DNAH10: variants seen among roughly 807,000 people sequenced by gnomAD.
DNAH10 encodes dynein axonemal heavy chain 10.
Under a neutral mutation model 506.6 loss-of-function variants are expected in DNAH10, and 348 were observed. The observed-to-expected ratio is 0.69, with a 90% CI of 0.63 to 0.75. DNAH10 has a LOEUF of 0.75. Ranked by LOEUF, DNAH10 falls within the 30% of genes least tolerant of loss-of-function variation. The pLI, the probability that DNAH10 is intolerant of heterozygous loss-of-function variation, is 0.00. For missense variants in DNAH10, 5,179 were observed against 5,787.1 expected (o/e 0.89, Z 3.41); for synonymous variants, 2,059 against 2,198.6 (o/e 0.94, Z 1.78).
Position 123,813,741 on chromosome 12 carries a change from CT to C in DNAH10, c.3622-10del. The stretch of plus-strand genomic sequence containing the variant: ...CTGTGTTTGCTTAGTGTTCTTTGTA[CT>C]TTCTGTTATAGCACCTGGCCAAAAA... On this transcript the variant is annotated splice_polypyrimidine_tract_variant and intron_variant, in intron 20 of 78. Transcript: ENST00000673944. 3 of 1,613,282 alleles carry C rather than the reference CT, an allele frequency of 1.9e-6. No homozygotes were observed. The highest frequency in any genetic ancestry group is 2.5e-6 in the Non-Finnish European group (3 of 1,179,882).
intron 55 of DNAH10, among the ~76,000 whole-genome samples, chr12:123,898,416 G>A (rs768568920): frequency 4.6e-5 from 7 of 152,162 alleles, no homozygotes; most frequent in African/African-American, 1.7e-4. Flanking sequence ...ATGCACTGCC[G>A]GACAGGGCTT....
At chr12:123,898,373 C>T (rs780051992) in intron 55 of DNAH10, among the ~76,000 whole-genome samples, 2 of 152,134 alleles carry the variant, frequency 1.3e-5, no homozygotes, top group Non-Finnish European at 1.5e-5. Context: ...CCATGCCTGG[C>T]GCACATTAGA....
intron 35 of DNAH10, among the ~76,000 whole-genome samples, chr12:123,852,873 C>T (rs1951229408): frequency 6.6e-6 from 1 of 152,138 alleles, no homozygotes; most frequent in East Asian, 1.9e-4. Flanking sequence ...TATGCTTGGC[C>T]CAGTTACAGC....
At chr12:123,839,902 A>G (rs1228445613) in intron 29 of DNAH10, among the ~76,000 whole-genome samples, 3 of 152,146 alleles carry the variant, frequency 2.0e-5, no homozygotes, top group Non-Finnish European at 2.9e-5. Flanking sequence ...CATTTCCTGA[A>G]TGGCGGGAAA....
rs776176630 is a variant in DNAH10 at position 123,845,712 on chromosome 12, G to T, written c.5473G>T (p.Ala1825Ser). 12 of 1,613,886 alleles carry T rather than the reference G, an allele frequency of 7.4e-6. No homozygotes were observed. The South Asian group carries it at 1.2e-4, about 16-fold the overall frequency. ...FHKAQKGEKQ[A>S]MKNYGRKMHR... Reference sequence around the variant, plus strand: ...CAAAGCGCAAAAAGGGGAGAAGCAGGCCATGAAGAACTATGGCAGGAAAAT... The same window carrying T: ...CAAAGCGCAAAAAGGGGAGAAGCAGTCCATGAAGAACTATGGCAGGAAAAT... The change falls in exon 31 of 79, where the codon GCC becomes TCC. Residue 1825 changes from alanine to serine, a missense_variant. Coordinates refer to ENST00000673944, the MANE Select transcript of DNAH10 (RefSeq NM_001372106.1).
chr12:123,854,069 GTTTTTT>G (rs10648649), intron 36 of DNAH10, among the ~76,000 whole-genome samples: 15 of 117,036 alleles, frequency 1.3e-4, no homozygotes, highest in African/African-American at 4.9e-4. Context: ...ACACATTTGG[GTTTTTT>G]TTTTTTTTTT....
chr12:123,887,443 C>T (rs1046534932), intron 52 of DNAH10, 130 bp downstream of exon 52: 12 of 1,099,894 alleles, frequency 1.1e-5, no homozygotes, highest in Admixed American at 6.1e-5. Flanking sequence ...TCCTCCCTCA[C>T]GGCGGCCCCT....
Position 123,864,701 on chromosome 12 carries a change from C to G in DNAH10, c.7015C>G (p.Leu2339Val). ...ATTGGCCAACGGGGAACGCATCCGGCTCCAAGCACACTGTGCCCTGCTCTT... is the reference window on the plus strand; with the variant it reads ...ATTGGCCAACGGGGAACGCATCCGGGTCCAAGCACACTGTGCCCTGCTCTT... The part of the protein sequence containing the change: ...LTLANGERIR[L>V]QAHCALLFEV... Residue 2339 changes from leucine to valine, a missense_variant, in exon 40 of 79, where the codon CTC (leucine) becomes GTC (valine). Leu to Val is a conservative substitution (Grantham distance 32). This residue lies in a region of DNAH10 where 4,844 missense variants were observed against 5,430.5 expected (regional missense o/e 0.89). Coordinates refer to ENST00000673944, the MANE Select transcript of DNAH10 (RefSeq NM_001372106.1). The G allele has an allele frequency of 1.2e-6, 2 of 1,613,960 alleles. No individual in the cohort carries two copies. The highest frequency in any genetic ancestry group is 1.7e-6 in the Non-Finnish European group (2 of 1,179,874).
At chr12:123,864,844 A>G in intron 40 of DNAH10, 114 bp downstream of exon 40, 2 of 1,271,872 alleles carry the variant, frequency 1.6e-6, no homozygotes, top group Non-Finnish European at 2.1e-6. Flanking sequence ...AACAATGCAT[A>G]AGGGTTTATA....
At chr12:123,880,652 C>G (rs905907587) in intron 50 of DNAH10, among the ~76,000 whole-genome samples, 17 of 124,216 alleles carry the variant, frequency 1.4e-4, no homozygotes, top group Non-Finnish European at 1.1e-4. Flanking sequence ...GTTTTAAATT[C>G]TCTTTTTTTT....
chr12:123,782,513 G>C (rs1594008140), intron 6 of DNAH10, among the ~76,000 whole-genome samples: 1 of 149,380 alleles, frequency 6.7e-6, no homozygotes, highest in Admixed American at 6.7e-5. Flanking sequence ...GGGAGCTCAG[G>C]CAATCCTCCC....
chr12:123,801,778 C>T (rs1958490406), intron 16 of DNAH10, among the ~76,000 whole-genome samples: 1 of 152,030 alleles, frequency 6.6e-6, no homozygotes, highest in African/African-American at 2.4e-5. Context: ...ACCCTTTAGT[C>T]ATTTTCCCTA....
Position 123,931,673 on chromosome 12 carries a change from T to G in DNAH10, c.12954T>G (p.Ile4318Met), listed in dbSNP as rs779240973. 4 of 1,614,066 alleles carry G rather than the reference T, an allele frequency of 2.5e-6. No homozygotes were observed. Among genetic ancestry groups the G allele is most frequent in the Non-Finnish European group, 3.4e-6 (4 of 1,179,904 alleles). ...GTGGTATCAGCCGCGATGATTATAT[T>G]GGCCAAGTGGCCAAAGAAATAGAAA... is the stretch of plus-strand genomic sequence containing the variant. ...SSSGISRDDY[I>M]GQVAKEIENK... is the part of the protein sequence containing the mutation. Residue 4318 changes from isoleucine to methionine, a missense_variant, in exon 75 of 79, where the codon ATT becomes ATG. By Grantham distance (10) the Ile-to-Met change is conservative. This residue lies in a region of DNAH10 where 4,844 missense variants were observed against 5,430.5 expected (regional missense o/e 0.89). Coordinates refer to ENST00000673944, the MANE Select transcript of DNAH10 (RefSeq NM_001372106.1).
intron 57 of DNAH10, chr12:123,908,426 T>TCTCTCCTGCTTTTCCTTC: frequency 2.2e-6 from 1 of 456,268 alleles, no homozygotes; most frequent in Non-Finnish European, 4.4e-6. Flanking sequence ...CTCCTGCTCT[T>TCTCTCCTGCTTTTCCTTC]CTCTCCTGCT....
At chr12:123,809,662 A>G (rs1594082551) in intron 19 of DNAH10, among the ~76,000 whole-genome samples, 1 of 151,998 alleles carries the variant, frequency 6.6e-6, no homozygotes, top group East Asian at 1.9e-4. Context: ...AACAACAACA[A>G]CAACAACAAC....
At chr12:123,930,904 G>T (rs1338423294) in intron 73 of DNAH10, among the ~76,000 whole-genome samples, 1 of 152,090 alleles carries the variant, frequency 6.6e-6, no homozygotes, top group Non-Finnish European at 1.5e-5. Context: ...CATGTCATTG[G>T]CTGGTCATGG....
Position 123,923,627 on chromosome 12 carries a change from G to A in DNAH10, c.11507-136G>A, listed in dbSNP as rs1441451502. 3 of 592,282 alleles carry A rather than the reference G, an allele frequency of 5.1e-6. No individual in the cohort carries two copies. The South Asian group carries it at 6.7e-5, about 13-fold the overall frequency. 36.7% of individuals were successfully genotyped at this position (592,282 alleles called of 1,614,324 possible). On this transcript the variant is annotated intron_variant, in intron 65 of 78. Transcript: ENST00000673944. ...GAACTTAGATATTCATGGACATTAG[G>A]TGCAAAGAGGGGTAAATGCAGCCAT...
chr12:123,928,412 C>T lies in DNAH10; in HGVS notation c.12131C>T (p.Ala4044Val), dbSNP rs1206488633. ...EKVALQLLETAVARGQWLMLQ... is the reference protein window; with the variant it reads ...EKVALQLLETVVARGQWLMLQ... ...GTGGCCCTGCAGCTGCTGGAGACGG[C>T]GGTGGCTCGGGGGCAGTGGCTGATG... The change falls in exon 70 of 79, where the codon GCG becomes GTG. Residue 4044 changes from alanine to valine, a missense_variant. Around this residue, in one of 3 missense-constraint regions of DNAH10, gnomAD observed 4,844 missense variants for 5,430.5 expected, o/e 0.89. Transcript: ENST00000673944. This position sits in a 1 kb window ranked among gnomAD's most constrained non-coding sequence, Gnocchi z 4.9. The T allele has an allele frequency of 4.1e-5, 66 of 1,604,692 alleles. No individual in the cohort carries two copies. The highest frequency in any genetic ancestry group is 5.3e-5 in the Non-Finnish European group (62 of 1,176,220).
chr12:123,931,410 G>C lies in DNAH10; in HGVS notation c.12854G>C (p.Gly4285Ala), dbSNP rs1010275048. The change falls in exon 74 of 79, where the codon GGC (glycine) becomes GCC (alanine). Residue 4285 changes from glycine to alanine, a missense_variant. By Grantham distance (60) the Gly-to-Ala change is moderately conservative (BLOSUM62 0). Transcript: ENST00000673944. ...VFGLHPNAEI[G>A]YYTQAARDMW... is the part of the protein sequence containing the mutation. ...GGTCTCCACCCCAACGCTGAGATTGGCTATTACACGCAGGCGGCTCGAGAC... is the reference window on the plus strand; with the variant it reads ...GGTCTCCACCCCAACGCTGAGATTGCCTATTACACGCAGGCGGCTCGAGAC... 7 of 1,613,874 alleles carry C rather than the reference G, an allele frequency of 4.3e-6. No individual in the cohort carries two copies. The highest frequency in any genetic ancestry group is 5.1e-6 in the Non-Finnish European group (6 of 1,179,908).
Sources: gnomAD v4.1 joint callset for allele counts (sites outside exome capture counted in the v4.1 genomes callset) on GRCh38, gnomAD v4.1.1 for gene constraint, gnomAD v4.1.1 regional missense constraint, Gnocchi (gnomAD v3.1) non-coding constraint, MANE v1.5 for transcripts, NCBI Gene and HGNC (gene_info 2026-07-23, HGNC 2026-07-21) for gene names.